WBP4: variants seen among roughly 807,000 people sequenced by gnomAD.
WBP4 encodes the protein WW domain binding protein 4, also known as WW domain-binding protein 4.
WBP4 carries 37 observed loss-of-function variants against 55.4 expected under a neutral mutation model. The ratio of observed to expected loss-of-function variants is 0.67; its 90% confidence interval spans 0.51 to 0.88. The LOEUF (loss-of-function observed/expected upper bound fraction) is 0.88. WBP4 is among the 40% of genes least tolerant of loss of function. WBP4 has a pLI of 0.00. For missense variants in WBP4, 398 were observed against 420.8 expected, an observed-to-expected ratio of 0.95 and a Z score of 0.47; for synonymous variants, 142 against 140.2, an observed-to-expected ratio of 1.01 and a Z score of -0.09.
At chr13:41,062,382 CGAT>C (rs1877722672) in intron 1 of WBP4, 7 of 837,096 alleles carry the variant, frequency 8.4e-6, no homozygotes, top group Non-Finnish European at 1.0e-5. Context: ...ATAACGATGA[CGAT>C]AACAAGTGAG....
At chr13:41,077,425 G>T (rs1285013527) in intron 8 of WBP4, among the ~76,000 whole-genome samples, 1 of 152,074 alleles carries the variant, frequency 6.6e-6, no homozygotes, top group East Asian at 1.9e-4. Context: ...CTGGGAGGCA[G>T]AGTTTGCAGT....
chr13:41,067,947 G>A (rs1163045548), intron 4 of WBP4, among the ~76,000 whole-genome samples: 1 of 151,950 alleles, frequency 6.6e-6, no homozygotes. Context: ...AAAAAGGGGG[G>A]AAGGGAGCAG....
At chr13:41,076,712 CATT>C (rs2138479168) in intron 8 of WBP4, among the ~76,000 whole-genome samples, 1 of 152,254 alleles carries the variant, frequency 6.6e-6, no homozygotes, top group African/African-American at 2.4e-5. Context: ...AGAGGAGACA[CATT>C]ATTAGCATTG....
chr13:41,061,716 C>T (rs1164068030), intron 1 of WBP4, 41 bp downstream of exon 1: 11 of 1,613,192 alleles, frequency 6.8e-6, no homozygotes, highest in East Asian at 2.2e-5. Flanking sequence ...GGTGTTGTTT[C>T]TCTGGGCCGC....
At chr13:41,068,128 T>C (rs181747009) in intron 4 of WBP4, among the ~76,000 whole-genome samples, 66 of 152,332 alleles carry the variant, frequency 4.3e-4, no homozygotes, top group African/African-American at 1.3e-3. Flanking sequence ...ATCTGGACTT[T>C]TAGTATACCC....
At chr13:41,073,260 TC>T (rs1386733340) in intron 7 of WBP4, among the ~76,000 whole-genome samples, 1 of 152,188 alleles carries the variant, frequency 6.6e-6, no homozygotes, top group Non-Finnish European at 1.5e-5. Flanking sequence ...ATGCCTGTAA[TC>T]CCAGCAGTTT....
chr13:41,076,574 C>G (rs1006480901), intron 8 of WBP4, among the ~76,000 whole-genome samples: 1 of 152,080 alleles, frequency 6.6e-6, no homozygotes, highest in Non-Finnish European at 1.5e-5. Flanking sequence ...CGTCACCACG[C>G]CCAGCTGACA....
At position 41,062,663 on chromosome 13, in the gene WBP4, C is replaced by T; in HGVS notation, c.22C>T (p.Gln8Ter). 2 of 1,613,834 alleles carry T rather than the reference C, an allele frequency of 1.2e-6. No individual in the cohort carries two copies. Among genetic ancestry groups the T allele is most frequent in the Non-Finnish European group, 1.7e-6 (2 of 1,179,858 alleles). ...TTTCAGGGCGGACTACTGGAAGTCACAGCCAAAGAAATTCTGTGATTACTG... is the reference window on the plus strand; with the variant it reads ...TTTCAGGGCGGACTACTGGAAGTCATAGCCAAAGAAATTCTGTGATTACTG... MADYWKS[Q>*]PKKFCDYCKC... The change falls in exon 2 of 10, where the codon CAG becomes TAG. Residue 8 changes from glutamine (Q) to a stop codon, truncating the protein, a stop_gained. Transcript: ENST00000379487. LOFTEE classifies it high-confidence loss of function.
intron 5 of WBP4, 84 bp downstream of exon 5, chr13:41,068,821 A>G (rs1878100450): frequency 7.3e-7 from 1 of 1,361,036 alleles, no homozygotes; most frequent in African/African-American, 1.5e-5. Flanking sequence ...ATTTTTATCT[A>G]ATGTTGGAGC....
chr13:41,072,137 A>G (rs1417794466), intron 6 of WBP4, among the ~76,000 whole-genome samples: 2 of 151,820 alleles, frequency 1.3e-5, no homozygotes, highest in South Asian at 2.1e-4. Context: ...TGCCATTCAC[A>G]TGTTCCTGTC....
At chr13:41,062,235 A>T in intron 1 of WBP4, 1 of 981,804 alleles carries the variant, frequency 1.0e-6, no homozygotes, top group South Asian at 4.7e-5. Context: ...TCCCCAGAGT[A>T]GTCTTGTACG....
chr13:41,063,705 A>ATTT (rs1305665735), intron 2 of WBP4, among the ~76,000 whole-genome samples: 2 of 152,138 alleles, frequency 1.3e-5, no homozygotes, highest in East Asian at 3.8e-4. Context: ...ATACACATTG[A>ATTT]TTTAACCTTT....
chr13:41,072,688 C>T (rs1187474554), intron 6 of WBP4, 94 bp from the exon 7 acceptor site: 4 of 1,027,384 alleles, frequency 3.9e-6, no homozygotes, highest in Non-Finnish European at 5.9e-6. Flanking sequence ...CACCAGGTGT[C>T]AGGAGGAGAG....
At chr13:41,079,601 G>A (rs1878673613) in intron 8 of WBP4, among the ~76,000 whole-genome samples, 1 of 151,344 alleles carries the variant, frequency 6.6e-6, no homozygotes, top group Non-Finnish European at 1.5e-5. Context: ...GCAGAGAAAG[G>A]GAAACACTTA....
chr13:41,064,660 GTTGT>G (rs1363636024), intron 2 of WBP4, among the ~76,000 whole-genome samples: 1 of 152,088 alleles, frequency 6.6e-6, no homozygotes, highest in Non-Finnish European at 1.5e-5. Context: ...GATGTTGAAA[GTTGT>G]TTAAGATTTT....
intron 5 of WBP4, among the ~76,000 whole-genome samples, chr13:41,069,243 A>G (rs1180710838): frequency 6.6e-6 from 1 of 152,196 alleles, no homozygotes; most frequent in Non-Finnish European, 1.5e-5. Context: ...ACACAGTGCC[A>G]TGGCCAGATG....
intron 3 of WBP4, 21 bp from the exon 4 acceptor site, chr13:41,065,143 T>C: frequency 1.9e-6 from 3 of 1,603,270 alleles, no homozygotes; most frequent in Non-Finnish European, 2.5e-6. Context: ...TCACTTTCAC[T>C]GTTATGTATG....
In WBP4 at chr13:41,065,153, G is replaced by A; in HGVS notation, c.139-11G>A. The A allele has an allele frequency of 1.9e-6, 3 of 1,608,774 alleles. No homozygotes were observed. The highest frequency in any genetic ancestry group is 2.5e-6 in the Non-Finnish European group (3 of 1,178,584). ...TTATCTCACTTTCACTGTTATGTAT[G>A]TCTTACATAGATTAAACAGAAAAGC... On this transcript the variant is annotated splice_polypyrimidine_tract_variant and intron_variant, in intron 3 of 9. Transcript: ENST00000379487.
At chr13:41,061,772 CG>C (rs1349392803) in intron 1 of WBP4, 97 bp downstream of exon 1, 174 of 1,582,846 alleles carry the variant, frequency 1.1e-4, no homozygotes, top group Non-Finnish European at 1.4e-4. Flanking sequence ...GCCCTTCGGC[CG>C]GGGGCGTGAC....
Sources: allele counts gnomAD v4.1 joint callset (sites outside exome capture counted in the v4.1 genomes callset), GRCh38; gene constraint gnomAD v4.1.1; transcripts MANE v1.5; gene names NCBI Gene and HGNC (gene_info 2026-07-23, HGNC 2026-07-21).